Variants in PRKDC observed in about 807,000 individuals in gnomAD.
The protein encoded by PRKDC is DNA-dependent protein kinase catalytic subunit.
A neutral mutation model predicts 486.9 loss-of-function variants in PRKDC; 82 were observed. The ratio of observed to expected loss-of-function variants is 0.17; its 90% CI spans 0.14 to 0.20. The LOEUF (loss-of-function observed/expected upper bound fraction) is 0.20. Among genes scored for constraint, PRKDC ranks in the 10% least tolerant of loss-of-function variants. The pLI is 1.00. For missense variants in PRKDC, 4,504 were observed against 5,038.2 expected (o/e 0.89, Z 3.21); for synonymous variants, 1,895 against 1,837.0 (o/e 1.03, Z -0.81).
intron 25 of PRKDC, among the ~76,000 whole-genome samples, chr8:47,905,328 C>T (rs1356875576): frequency 6.6e-6 from 1 of 152,106 alleles, no homozygotes; most frequent in East Asian, 1.9e-4. Flanking sequence ...CATCCCCAGC[C>T]CCATTAGTTT....
rs770874828 is a variant in PRKDC, at chr8:47,935,806, C to A, written c.1373G>T (p.Cys458Phe). Residue 458 changes from cysteine to phenylalanine, a missense_variant, in exon 13 of 86, where the codon TGC becomes TTC. Around this residue, in one of 6 missense-constraint regions of PRKDC, gnomAD observed 1,969 missense variants for 2,068.9 expected, o/e 0.95. Transcript: ENST00000314191. ...TAGGAACACCTTCACTATGGCTCTG[C>A]AACACACCAGCTGCATTTTTGGACT... ...QYSPKMQLVCCRAIVKVFLAL... is the reference protein window; with the variant it reads ...QYSPKMQLVCFRAIVKVFLAL... The A allele has an allele frequency of 1.9e-6, 3 of 1,613,982 alleles. No homozygotes were observed. The highest frequency in any genetic ancestry group is 2.5e-6 in the Non-Finnish European group (3 of 1,179,876).
rs150056289 is a variant in PRKDC, at chr8:47,840,380, C to T, written c.7281-191G>A. Among the ~76,000 whole-genome samples the T allele has an allele frequency of 4.0e-3, 606 of 152,254 alleles. 4 individuals carry two copies. The highest frequency in any genetic ancestry group is 0.025 in the South Asian group (121 of 4,826). ...AATATAAGACAAATTACTTCATGTG[C>T]TACCCTACACTGGATCCTGAAATAG... On this transcript the variant is annotated intron_variant, in intron 54 of 85. Transcript: ENST00000314191.
intron 1 of PRKDC, 35 bp downstream of exon 1, chr8:47,959,938 G>T (rs1015473247): frequency 2.0e-6 from 3 of 1,530,274 alleles, no homozygotes; most frequent in African/African-American, 2.7e-5. Context: ...GGGAAGCCAG[G>T]ACCCACCCGC....
chr8:47,890,636 G>A (rs778318861), intron 31 of PRKDC, among the ~76,000 whole-genome samples, 156 bp from the exon 32 acceptor site: 2 of 152,152 alleles, frequency 1.3e-5, no homozygotes, highest in East Asian at 1.9e-4. Context: ...GCTGAATAAA[G>A]TGGCATTTAT....
At position 47,788,778 on chromosome 8, in the gene PRKDC, G is replaced by T. The variant is rs2086835776; in HGVS notation, c.10902+128C>A. On this transcript the variant is annotated intron_variant, in intron 76 of 85. Coordinates refer to ENST00000314191, the MANE Select transcript of PRKDC (RefSeq NM_006904.7). Reference sequence around the variant, plus strand: ...AGCATGAGACCTAAAGCATTCAACAGACATTTTAAATGCAGAACTGTTAAA... The same window carrying T: ...AGCATGAGACCTAAAGCATTCAACATACATTTTAAATGCAGAACTGTTAAA... 5 of 1,009,404 alleles carry T rather than the reference G, an allele frequency of 5.0e-6. No homozygotes were observed. In the South Asian group the frequency reaches 1.6e-4, roughly 31 times the overall value. The allele number at this position is 1,009,404 out of a possible 1,614,324, so 62.5% of individuals were successfully genotyped here.
chr8:47,839,995 AAT>A lies in PRKDC; in HGVS notation c.7454+19_7454+20del, dbSNP rs8178175. On this transcript the variant is annotated intron_variant, in intron 55 of 85. Transcript: ENST00000314191. Reference sequence around the variant, plus strand: ...TTATCTCAAAAAAGTAACAAAATAAAATAGTCAATGTATAGCTTACCTGTAAT... The same window carrying A: ...TTATCTCAAAAAAGTAACAAAATAAAAGTCAATGTATAGCTTACCTGTAAT... 964 of 1,501,488 alleles carry A rather than the reference AAT, an allele frequency of 6.4e-4. 13 individuals carry two copies. In the East Asian group the frequency reaches 0.022, roughly 35 times the overall value. 93.0% of individuals were successfully genotyped at this position (1,501,488 alleles called of 1,614,324 possible).
intron 35 of PRKDC, among the ~76,000 whole-genome samples, chr8:47,887,106 C>T (rs886378926): frequency 5.9e-5 from 9 of 152,196 alleles, no homozygotes; most frequent in African/African-American, 2.2e-4. Flanking sequence ...CAGATTTCAG[C>T]TACAGCAGGG....
chr8:47,804,707 C>A (rs896337943), intron 69 of PRKDC, among the ~76,000 whole-genome samples: 1 of 152,128 alleles, frequency 6.6e-6, no homozygotes, highest in African/African-American at 2.4e-5. Context: ...GCTTTTGTTT[C>A]TCATGGGTCT....
chr8:47,854,362 G>C, intron 50 of PRKDC, 148 bp from the exon 51 acceptor site: 1 of 933,666 alleles, frequency 1.1e-6, no homozygotes, highest in Non-Finnish European at 1.6e-6. Flanking sequence ...CGGAGTCTTG[G>C]AGTCTCGCTT....
intron 14 of PRKDC, among the ~76,000 whole-genome samples, chr8:47,934,449 C>T (rs1223051250): frequency 6.6e-6 from 1 of 152,122 alleles, no homozygotes. Flanking sequence ...ACAGGAGAAT[C>T]GCTTGAACCT....
At chr8:47,831,692 G>A in intron 60 of PRKDC, 122 bp downstream of exon 60, 1 of 1,064,960 alleles carries the variant, frequency 9.4e-7, no homozygotes, top group African/African-American at 1.6e-5. Flanking sequence ...GTTTGGAGCA[G>A]TCCCGCAACC....
rs188866005 is a variant in PRKDC at position 47,859,496 on chromosome 8, C to T, written c.6207+115G>A. ...AATTCTCCAAATTAACTCTATACTC[C>T]GAGGGTTGTCAATGGACAGAGAACT... On this transcript the variant is annotated intron_variant, in intron 46 of 85. Coordinates refer to ENST00000314191, the MANE Select transcript of PRKDC (RefSeq NM_006904.7). 1.1e-3 allele frequency: 1,329 copies of T among 1,226,678 alleles called. 13 individuals are homozygous for T. Among genetic ancestry groups the T allele is most frequent in the South Asian group, 9.1e-3 (596 of 65,482 alleles). The allele number at this position is 1,226,678 out of a possible 1,614,324, so 76.0% of individuals were successfully genotyped here.
chr8:47,783,278 CAA>C (rs1182413636), intron 78 of PRKDC, among the ~76,000 whole-genome samples: 1 of 56,182 alleles, frequency 1.8e-5, no homozygotes, highest in African/African-American at 7.3e-5. Flanking sequence ...ACTCTTGTCT[CAA>C]AAAAAAAAAA....
At chr8:47,863,377 C>G in intron 42 of PRKDC, 22 bp downstream of exon 42, 1 of 1,552,518 alleles carries the variant, frequency 6.4e-7, no homozygotes, top group Non-Finnish European at 8.8e-7. Flanking sequence ...AAAATAGAAT[C>G]CAAAATTAAG....
chr8:47,960,087 G>T lies in PRKDC; in HGVS notation c.40C>A (p.Arg14=), dbSNP rs934836988. 2 of 1,528,696 alleles carry T rather than the reference G, an allele frequency of 1.3e-6. No homozygotes were observed. The highest frequency in any genetic ancestry group is 1.4e-5 in the African/African-American group (1 of 72,262). 94.7% of individuals were successfully genotyped at this position (1,528,696 alleles called of 1,614,324 possible). A position where few individuals can be genotyped will look rare whatever the true frequency, so the allele number is the denominator to read the frequency against. ...GCAGCGGACAAGGTCTCCTGCAGCC[G>T]CAGCAGGGAGCAACGCACACCGGCT... ...SGAGVRCSLL[R]LQETLSAADR... The change falls in exon 1 of 86, where the codon CGG becomes AGG. Residue 14 remains arginine (R), a synonymous_variant. Transcript: ENST00000314191.
At chr8:47,864,446 G>A in intron 41 of PRKDC, 110 bp downstream of exon 41, 1 of 981,534 alleles carries the variant, frequency 1.0e-6, no homozygotes. Flanking sequence ...ACTGTTATGT[G>A]GCACACTCCT....
chr8:47,885,674 C>T (rs889258281), intron 36 of PRKDC, among the ~76,000 whole-genome samples: 2 of 151,912 alleles, frequency 1.3e-5, no homozygotes, highest in Non-Finnish European at 2.9e-5. Context: ...GGGCGGATCA[C>T]GAGGTCAGGA....
chr8:47,951,213 A>G (rs1196838742), intron 7 of PRKDC, among the ~76,000 whole-genome samples: 1 of 151,778 alleles, frequency 6.6e-6, no homozygotes. Context: ...TACAAAAATT[A>G]CCCATCTGTG....
intron 40 of PRKDC, among the ~76,000 whole-genome samples, chr8:47,874,803 C>T (rs1285303055): frequency 6.6e-6 from 1 of 152,026 alleles, no homozygotes; most frequent in Non-Finnish European, 1.5e-5. Flanking sequence ...GACTGTAATC[C>T]CAGCACTTTG....
Sources: allele counts gnomAD v4.1 joint callset (sites outside exome capture counted in the v4.1 genomes callset), GRCh38; gene constraint gnomAD v4.1.1; regional missense constraint gnomAD v4.1.1; transcripts MANE v1.5; gene names NCBI Gene and HGNC (gene_info 2026-07-23, HGNC 2026-07-21).